CYS1: variants seen among roughly 807,000 people sequenced by gnomAD.
CYS1 encodes cystin-1.
In CYS1, 5 loss-of-function variants were observed where a neutral mutation model predicts 9.6. The ratio of observed to expected loss-of-function variants is 0.52; its 90% confidence interval spans 0.27 to 1.10. The LOEUF is 1.10. Ranked by LOEUF, CYS1 falls within the 50% of genes least tolerant of loss-of-function variation. CYS1 has a pLI of 0.11. For missense variants in CYS1, 221 were observed against 207.9 expected (o/e 1.06, Z -0.39); for synonymous variants, 88 against 95.7 (o/e 0.92, Z 0.47).
chr2:10,067,391 T>TA (rs1200154305), intron 1 of CYS1, among the ~76,000 whole-genome samples: 1 of 147,100 alleles, frequency 6.8e-6, no homozygotes, highest in Admixed American at 7.2e-5. Flanking sequence ...ATATACATTT[T>TA]AAAAAAATTC....
intron 1 of CYS1, among the ~76,000 whole-genome samples, chr2:10,075,113 C>CA (rs35611243): frequency 3.8e-4 from 56 of 146,268 alleles, no homozygotes; most frequent in East Asian, 1.0e-3. Flanking sequence ...GACTCCATCT[C>CA]AAAAAAAAAA....
rs370207728 is a variant in CYS1 at position 10,063,726 on chromosome 2, G to A, written c.371+2178C>T. ...GCTGAGACTGGCCTGCAGGGTCCAC[G>A]GCTGCCACGGGAGTCAGGTGTGTGC... On this transcript the variant is annotated intron_variant, in intron 2 of 2. Coordinates refer to ENST00000381813, the MANE Select transcript of CYS1 (RefSeq NM_001037160.3). This position sits in a 1 kb window ranked among gnomAD's most constrained non-coding sequence, Gnocchi z 4.2. Among the ~76,000 whole-genome samples the A allele has an allele frequency of 6.6e-6, 1 of 152,118 alleles. No individual in the cohort carries two copies. The highest frequency in any genetic ancestry group is 1.5e-5 in the Non-Finnish European group (1 of 68,022).
rs951462452 is a variant in CYS1, at chr2:10,063,176, T to G, written c.371+2728A>C. Among the ~76,000 whole-genome samples, 12 of 152,202 alleles carry G rather than the reference T, an allele frequency of 7.9e-5. No individual in the cohort carries two copies. Among genetic ancestry groups the G allele is most frequent in the Non-Finnish European group, 1.5e-4 (10 of 68,028 alleles). On this transcript the variant is annotated intron_variant, in intron 2 of 2. Transcript: ENST00000381813. The surrounding 1 kb of genome is among the most constrained non-coding windows in gnomAD (Gnocchi z 4.2). ...AATAAGCGTCTATGAAATGCTACCA[T>G]GTGCCTGGAGCTATGAGGGCCCAGA...
At chr2:10,060,884 G>A (rs1454119466) in intron 2 of CYS1, among the ~76,000 whole-genome samples, 1 of 152,246 alleles carries the variant, frequency 6.6e-6, no homozygotes, top group Non-Finnish European at 1.5e-5. Flanking sequence ...CACAGAGCTG[G>A]GCACTAAGGA....
At chr2:10,078,653 C>A (rs920792944) in intron 1 of CYS1, among the ~76,000 whole-genome samples, 51 of 152,152 alleles carry the variant, frequency 3.4e-4, no homozygotes, top group African/African-American at 1.2e-3. Flanking sequence ...TGGGATTAGC[C>A]GCTTTCTCCT....
At chr2:10,061,317 G>A (rs942668804) in intron 2 of CYS1, among the ~76,000 whole-genome samples, 11 of 152,178 alleles carry the variant, frequency 7.2e-5, no homozygotes, top group Non-Finnish European at 1.3e-4. Flanking sequence ...GGAGAGACCC[G>A]GCCACTGCCC....
intron 1 of CYS1, among the ~76,000 whole-genome samples, chr2:10,078,749 T>C (rs372275972): frequency 7.2e-5 from 11 of 152,318 alleles, no homozygotes; most frequent in Admixed American, 5.2e-4. Context: ...AGGGCTATGC[T>C]GTGTGGCCTC....
At chr2:10,079,628 C>G (rs80323318) in intron 1 of CYS1, among the ~76,000 whole-genome samples, 1 of 151,718 alleles carries the variant, frequency 6.6e-6, no homozygotes, top group Non-Finnish European at 1.5e-5. Context: ...GCCGCGGGCC[C>G]GAGGGGAGCC....
intron 2 of CYS1, 104 bp from the exon 3 acceptor site, chr2:10,059,062 C>G (rs1661591332): frequency 2.7e-6 from 3 of 1,095,702 alleles, no homozygotes; most frequent in South Asian, 2.8e-5. Flanking sequence ...ATCCTGAAAC[C>G]CAAACCGAAG....
At chr2:10,064,654 C>T (rs1164576917) in intron 2 of CYS1, among the ~76,000 whole-genome samples, 4 of 152,078 alleles carry the variant, frequency 2.6e-5, no homozygotes, top group Non-Finnish European at 1.5e-5. Flanking sequence ...AGCCTCTTTC[C>T]TTCCTCTCTC....
chr2:10,075,709 G>A (rs1187846451), intron 1 of CYS1, among the ~76,000 whole-genome samples: 1 of 152,194 alleles, frequency 6.6e-6, no homozygotes, highest in Non-Finnish European at 1.5e-5. Flanking sequence ...CATGGCTACA[G>A]CAAATGGAAC....
chr2:10,072,073 A>G (rs1030551217), intron 1 of CYS1, among the ~76,000 whole-genome samples: 1 of 152,090 alleles, frequency 6.6e-6, no homozygotes, highest in Admixed American at 6.5e-5. Flanking sequence ...TGAAAATTAA[A>G]GTTTCAAAGG....
chr2:10,080,051 G>T lies in CYS1; in HGVS notation c.173C>A (p.Pro58His). 1 of 1,049,054 alleles carries T rather than the reference G, an allele frequency of 9.5e-7. No homozygotes were observed. Among genetic ancestry groups the T allele is most frequent in the Non-Finnish European group, 1.1e-6 (1 of 872,636 alleles). 65.0% of individuals were successfully genotyped at this position (1,049,054 alleles called of 1,614,324 possible). A position where few individuals can be genotyped will look rare whatever the true frequency, so the allele number is the denominator to read the frequency against. ...AAAEEAPGRD[P>H]SPVAPPDGRD... is the part of the protein sequence containing the mutation. ...GCCGTCGGGGGGCGCCACGGGGCTG[G>T]GGTCGCGGCCGGGCGCCTCCTCCGC... is the stretch of plus-strand genomic sequence containing the variant. The change falls in exon 1 of 3, where the codon CCC becomes CAC. Residue 58 changes from proline to histidine, a missense_variant. Transcript: ENST00000381813. This position sits in a 1 kb window ranked among gnomAD's most constrained non-coding sequence, Gnocchi z 6.4.
Position 10,058,495 on chromosome 2 carries a change from T to C in CYS1, c.*358A>G, listed in dbSNP as rs938878765. ...GGCGCGGATGCCAGGAGGGGCTCGC[T>C]TGTGTCACCTAGTCCTCGTGAGCCC... On this transcript the variant is annotated 3_prime_UTR_variant, in exon 3 of 3. Transcript: ENST00000381813. 1.9e-5 allele frequency: 4 copies of C among 209,460 alleles called. No individual in the cohort carries two copies. Among genetic ancestry groups the C allele is most frequent in the Non-Finnish European group, 3.8e-5 (4 of 104,192 alleles). The allele number at this position is 209,460 out of a possible 1,614,324, so 13.0% of individuals were successfully genotyped here.
intron 2 of CYS1, among the ~76,000 whole-genome samples, chr2:10,060,279 C>G (rs566337392): frequency 6.6e-6 from 1 of 152,364 alleles, no homozygotes; most frequent in Admixed American, 6.5e-5. Context: ...CTAGCCGCCC[C>G]CCATTTCCCG....
At chr2:10,068,951 A>G (rs958499991) in intron 1 of CYS1, among the ~76,000 whole-genome samples, 2 of 152,168 alleles carry the variant, frequency 1.3e-5, no homozygotes, top group Non-Finnish European at 2.9e-5. Context: ...AATCCCAGCT[A>G]CTGGGGAGGC....
At position 10,061,610 on chromosome 2, in the gene CYS1, CA is replaced by C. The variant is rs376570053; in HGVS notation, c.372-2653del. ...TCCTCACTCGTCCTGTCTCACTCAGCACCCGACATGCCCTGTAGGTGGAATC... is the reference window on the plus strand; with the variant it reads ...TCCTCACTCGTCCTGTCTCACTCAGCCCCGACATGCCCTGTAGGTGGAATC... On this transcript the variant is annotated intron_variant, in intron 2 of 2. Transcript: ENST00000381813. 5.2e-3 allele frequency among the ~76,000 whole-genome samples: 791 copies of C among 152,356 alleles called. 9 individuals carry two copies. Among genetic ancestry groups the C allele is most frequent in the African/African-American group, 0.018 (737 of 41,576 alleles).
intron 1 of CYS1, among the ~76,000 whole-genome samples, chr2:10,071,257 G>A (rs867651599): frequency 3.3e-5 from 5 of 152,322 alleles, no homozygotes; most frequent in Non-Finnish European, 5.9e-5. Flanking sequence ...GTGAGCCACC[G>A]TGCCCGGCTC....
intron 2 of CYS1, among the ~76,000 whole-genome samples, chr2:10,061,169 T>C (rs1263039161): frequency 6.6e-6 from 1 of 152,050 alleles, no homozygotes; most frequent in Non-Finnish European, 1.5e-5. Context: ...GAAGTGGAGT[T>C]TGCAATGAGC....
Sources: allele counts gnomAD v4.1 joint callset (sites outside exome capture counted in the v4.1 genomes callset), GRCh38; gene constraint gnomAD v4.1.1; non-coding constraint Gnocchi (gnomAD v3.1); transcripts MANE v1.5; gene names NCBI Gene and HGNC (gene_info 2026-07-23, HGNC 2026-07-21).